The following CLEC2A variants were observed in gnomAD, a reference collection of about 807,000 sequenced individuals.
The protein encoded by CLEC2A is C-type lectin domain family 2 member A.
Under a neutral mutation model 18.6 loss-of-function variants are expected in CLEC2A, and 19 were observed. That is an observed-to-expected ratio of 1.02 (90% CI 0.71 to 1.50). The LOEUF is 1.50. Among genes scored for constraint, CLEC2A ranks in the 40% most tolerant of loss-of-function variants. The pLI is 0.00. For synonymous variants in CLEC2A, 74 were observed against 64.0 expected (o/e 1.16, Z -0.75); for missense variants, 190 against 207.9 (o/e 0.91, Z 0.53).
chr12:9,914,826 G>A (rs866451491), intron 4 of CLEC2A, among the ~76,000 whole-genome samples: 41 of 151,588 alleles, frequency 2.7e-4, no homozygotes, highest in African/African-American at 7.7e-4. Flanking sequence ...TGATGAAAAC[G>A]TCAAAAGCAA....
chr12:9,882,316 T>C, the CLEC2A span, among the ~76,000 whole-genome samples: 1 of 152,312 alleles, frequency 6.6e-6, no homozygotes, highest in East Asian at 1.9e-4. Flanking sequence ...TCATTTTATA[T>C]CTAGCAAATG....
chr12:9,912,887 C>CT (rs555814635), downstream of CLEC2A, among the ~76,000 whole-genome samples: 226 of 152,142 alleles, frequency 1.5e-3, no homozygotes, highest in African/African-American at 5.2e-3. Context: ...AATCAAGATA[C>CT]TTTTTTTTCT....
In CLEC2A at chr12:9,916,680, C is replaced by T. The variant is rs563888001; in HGVS notation, c.410+20G>A. 31 of 1,397,526 alleles carry T rather than the reference C, an allele frequency of 2.2e-5. No individual in the cohort carries two copies. The East Asian group carries it at 6.4e-4, about 29-fold the overall frequency. The allele number at this position is 1,397,526 out of a possible 1,614,324, so 86.6% of individuals were successfully genotyped here. ...ATGACACACCAGAATAAGAACATTG[C>T]TAATACATTGGAAACTCACCAACCA... On this transcript the variant is annotated intron_variant, in intron 4 of 4. Transcript: ENST00000455827.
chr12:9,909,438 GA>G (rs1303494786), downstream of CLEC2A, among the ~76,000 whole-genome samples: 1 of 152,192 alleles, frequency 6.6e-6, no homozygotes, highest in African/African-American at 2.4e-5. Flanking sequence ...CTGAAAACAG[GA>G]TGCCCAGGAT....
intron 4 of CLEC2A, chr12:9,899,017 A>G (rs1414247179): frequency 1.3e-5 from 9 of 701,552 alleles, no homozygotes; most frequent in Non-Finnish European, 2.1e-5. Context: ...TAGAAAACAT[A>G]TATCAAAACG....
downstream of CLEC2A, among the ~76,000 whole-genome samples, chr12:9,897,696 C>T (rs1236625893): frequency 6.6e-6 from 1 of 151,022 alleles, no homozygotes; most frequent in East Asian, 2.0e-4. Flanking sequence ...GGTGGCTCTA[C>T]CCCATTCTCC....
chr12:9,924,877 G>T (rs868100538), intron 2 of CLEC2A, among the ~76,000 whole-genome samples: 1 of 152,154 alleles, frequency 6.6e-6, no homozygotes, highest in Non-Finnish European at 1.5e-5. Flanking sequence ...TTTCTTATAA[G>T]CAGGAGATAA....
chr12:9,929,520 C>T (rs1387334105), intron 1 of CLEC2A, among the ~76,000 whole-genome samples: 1 of 152,080 alleles, frequency 6.6e-6, no homozygotes, highest in Non-Finnish European at 1.5e-5. Flanking sequence ...TTATCAAATG[C>T]ACTTACTGAA....
At chr12:9,921,478 T>C (rs1001876279) in intron 3 of CLEC2A, among the ~76,000 whole-genome samples, 7 of 152,164 alleles carry the variant, frequency 4.6e-5, no homozygotes, top group Admixed American at 4.6e-4. Flanking sequence ...TCCCAGCTAC[T>C]CAGGAGGCTA....
downstream of CLEC2A, chr12:9,898,669 C>A: frequency 2.2e-6 from 1 of 451,790 alleles, no homozygotes; most frequent in Non-Finnish European, 4.0e-6. Context: ...GCAATTAACT[C>A]CTTCAAGAAG....
At chr12:9,885,919 A>G in the CLEC2A span, among the ~76,000 whole-genome samples, 1 of 152,078 alleles carries the variant, frequency 6.6e-6, no homozygotes. Flanking sequence ...AAGAAGTTGA[A>G]TCCACTGTAG....
the CLEC2A span, chr12:9,893,630 T>C: frequency 4.1e-6 from 2 of 487,382 alleles, no homozygotes; most frequent in Non-Finnish European, 6.9e-6. Context: ...TTTTTCCTTC[T>C]TTCTCTGTTT....
the CLEC2A span, among the ~76,000 whole-genome samples, chr12:9,880,336 C>T: frequency 2.6e-5 from 4 of 152,088 alleles, no homozygotes; most frequent in South Asian, 2.1e-4. Context: ...ATGGACGCGG[C>T]GTGTGTAAAT....
chr12:9,893,946 T>G (rs1862719918), downstream of CLEC2A, among the ~76,000 whole-genome samples: 1 of 152,162 alleles, frequency 6.6e-6, no homozygotes, highest in African/African-American at 2.4e-5. Flanking sequence ...GGTCTGGAGT[T>G]GAAATCAGAA....
chr12:9,922,358 C>G, intron 2 of CLEC2A, 126 bp from the exon 3 acceptor site: 1 of 635,226 alleles, frequency 1.6e-6, no homozygotes, highest in Non-Finnish European at 2.5e-6. Flanking sequence ...TCCCCCCTCC[C>G]CAGAATGAGG....
chr12:9,883,097 C>T, the CLEC2A span, among the ~76,000 whole-genome samples: 1 of 152,092 alleles, frequency 6.6e-6, no homozygotes, highest in Non-Finnish European at 1.5e-5. Flanking sequence ...TTACTGTAGG[C>T]ATGTTTGTGC....
chr12:9,918,610 A>G (rs1275409529), intron 3 of CLEC2A, among the ~76,000 whole-genome samples: 1 of 152,204 alleles, frequency 6.6e-6, no homozygotes, highest in Non-Finnish European at 1.5e-5. Flanking sequence ...ATGAATTTTA[A>G]AATAGTTTTT....
At chr12:9,917,934 A>T (rs1179481423) in intron 3 of CLEC2A, among the ~76,000 whole-genome samples, 2 of 151,912 alleles carry the variant, frequency 1.3e-5, no homozygotes, top group Non-Finnish European at 2.9e-5. Flanking sequence ...CCCTTTGCCC[A>T]ATTTTAATAG....
At chr12:9,903,943 C>T (rs764580760) in intron 4 of CLEC2A, among the ~76,000 whole-genome samples, 3 of 152,058 alleles carry the variant, frequency 2.0e-5, no homozygotes, top group Non-Finnish European at 2.9e-5. Context: ...TAATGAAATG[C>T]CAGGGTGAAA....
Sources: allele counts gnomAD v4.1 joint callset (sites outside exome capture counted in the v4.1 genomes callset), GRCh38; gene constraint gnomAD v4.1.1; transcripts MANE v1.5; gene names NCBI Gene and HGNC (gene_info 2026-07-23, HGNC 2026-07-21).